SOD2: variants seen among roughly 807,000 people sequenced by gnomAD.
The protein encoded by SOD2 is superoxide dismutase [Mn], mitochondrial.
SOD2 carries 11 observed loss-of-function variants against 27.0 expected under a neutral mutation model. The ratio of observed to expected loss-of-function variants is 0.41; its 90% CI spans 0.26 to 0.67. SOD2 has a LOEUF of 0.67. Ranked by LOEUF, SOD2 falls within the 30% of genes least tolerant of loss-of-function variation. The pLI, the probability that SOD2 is intolerant of heterozygous loss-of-function variation, is 0.34. For synonymous variants in SOD2, 105 were observed against 103.0 expected, an observed-to-expected ratio of 1.02 and a Z score of -0.12; for missense variants, 250 against 274.5, an observed-to-expected ratio of 0.91 and a Z score of 0.63.
At chr6:159,725,262 C>G (rs2758358) in intron 1 of SOD2, among the ~76,000 whole-genome samples, 2 of 151,938 alleles carry the variant, frequency 1.3e-5, no homozygotes, top group African/African-American at 4.8e-5. Context: ...AGGCGGATCA[C>G]CTGAGGTCAG....
At chr6:159,719,230 A>T (rs1777982072) in intron 1 of SOD2, among the ~76,000 whole-genome samples, 1 of 152,126 alleles carries the variant, frequency 6.6e-6, no homozygotes, top group African/African-American at 2.4e-5. Flanking sequence ...ACCACATAAG[A>T]GATAAGAGAA....
intron 1 of SOD2, among the ~76,000 whole-genome samples, chr6:159,701,369 T>TC (rs1777519704): frequency 6.6e-6 from 1 of 152,146 alleles, no homozygotes; most frequent in Non-Finnish European, 1.5e-5. Flanking sequence ...CTTAAAGTGA[T>TC]TATAAGACTT....
chr6:159,761,648 A>G (rs756827880), exon 1 of SOD2: 28 of 447,264 alleles, frequency 6.3e-5, no homozygotes, highest in South Asian at 4.4e-4. Context: ...TGAACGAGAG[A>G]TAAGTCTTTG....
chr6:159,693,179 T>C lies in SOD2; in HGVS notation c.-12A>G. The C allele has an allele frequency of 6.5e-7, 1 of 1,528,388 alleles. No individual in the cohort carries two copies. The highest frequency in any genetic ancestry group is 1.2e-5 in the South Asian group (1 of 81,686). The allele number at this position is 1,528,388 out of a possible 1,614,324, so 94.7% of individuals were successfully genotyped here. ...GCCCGGCTCAACATGCTGCTAGTGC[T>C]GGTGCTACCGCTGATGCCGCCGATC... On this transcript the variant is annotated 5_prime_UTR_variant, in exon 1 of 5. Coordinates refer to ENST00000538183, the MANE Select transcript of SOD2 (RefSeq NM_000636.4).
At chr6:159,744,623 GTATTT>G (rs1349940333) in intron 1 of SOD2, among the ~76,000 whole-genome samples, 2 of 152,144 alleles carry the variant, frequency 1.3e-5, no homozygotes, top group East Asian at 3.8e-4. Flanking sequence ...ACAAAAGCAC[GTATTT>G]ACTCTTCTTT....
At chr6:159,708,469 T>TACTATA (rs1283220489) in intron 1 of SOD2, among the ~76,000 whole-genome samples, 5 of 152,060 alleles carry the variant, frequency 3.3e-5, no homozygotes, top group African/African-American at 1.2e-4. Flanking sequence ...TTCTTATACA[T>TACTATA]CAATAACAGA....
chr6:159,710,945 C>G (rs951307139), intron 1 of SOD2, among the ~76,000 whole-genome samples: 3 of 137,040 alleles, frequency 2.2e-5, no homozygotes, highest in African/African-American at 5.2e-5. Context: ...CCATAACCAC[C>G]ACTCACACTG....
intron 1 of SOD2, chr6:159,726,769 G>T: frequency 5.4e-6 from 7 of 1,288,916 alleles, no homozygotes; most frequent in Non-Finnish European, 7.1e-6. Context: ...AGATGTCAAG[G>T]AGGAACGAAC....
intron 4 of SOD2, 74 bp downstream of exon 4, chr6:159,684,780 T>C: frequency 1.7e-6 from 2 of 1,209,022 alleles, no homozygotes; most frequent in South Asian, 3.3e-5. Context: ...ACACTGTTAG[T>C]TTTCCTTATT....
rs548942299 is a variant in SOD2, at chr6:159,713,495, C to T, written c.-116+13634G>A. ...ATTCTTTCCCTGTGTTTCTTCAATG[C>T]CGTCTCAGCTATCTCCTGCGAAGCC... On this transcript the variant is annotated intron_variant, in intron 1 of 2. Transcript: ENST00000401980. The T allele has an allele frequency of 8.0e-5, 53 of 663,934 alleles. 1 individual carries two copies. In the East Asian group the frequency reaches 1.3e-3, roughly 17 times the overall value. 41.1% of individuals were successfully genotyped at this position (663,934 alleles called of 1,614,324 possible).
At chr6:159,747,863 G>A (rs60955927), upstream of SOD2, among the ~76,000 whole-genome samples, 2,851 of 150,500 alleles carry the variant, frequency 0.019, 102 homozygotes, top group African/African-American at 0.066. Flanking sequence ...GTAATCAAAT[G>A]GCCTCAATTC....
upstream of SOD2, among the ~76,000 whole-genome samples, chr6:159,747,487 G>T (rs1314465375): frequency 2.0e-5 from 3 of 152,118 alleles, no homozygotes; most frequent in African/African-American, 7.2e-5. Context: ...GGAAAAATAT[G>T]AATTATACTT....
At position 159,669,643 on chromosome 6, in the gene SOD2, A is replaced by G. The variant is rs1043671717; in HGVS notation, c.*12850T>C. On this transcript the variant is annotated 3_prime_UTR_variant, in exon 5 of 5. Coordinates refer to ENST00000538183, the MANE Select transcript of SOD2 (RefSeq NM_000636.4). Reference sequence around the variant, plus strand: ...CAACATAGCATAACCCCATCTCTACAAAAAAATTTTCTTAATAAAAAAATA... The same window carrying G: ...CAACATAGCATAACCCCATCTCTACGAAAAAATTTTCTTAATAAAAAAATA... 2 of 152,136 alleles carry G rather than the reference A, an allele frequency of 1.3e-5. No individual in the cohort carries two copies. The highest frequency in any genetic ancestry group is 4.8e-5 in the African/African-American group (2 of 41,450). The allele number at this position is 152,136 out of a possible 1,614,324, so 9.4% of individuals were successfully genotyped here.
chr6:159,744,377 T>C (rs976721454), intron 1 of SOD2, among the ~76,000 whole-genome samples: 1 of 152,222 alleles, frequency 6.6e-6, no homozygotes, highest in African/African-American at 2.4e-5. Flanking sequence ...AGCTGTATCC[T>C]TGTTTCTGAT....
chr6:159,735,283 C>T lies in SOD2; in HGVS notation c.-116+9847G>A, dbSNP rs144156939. Among the ~76,000 whole-genome samples, 178 of 152,188 alleles carry T rather than the reference C, an allele frequency of 1.2e-3. No homozygotes were observed. The East Asian group carries it at 0.027, about 23-fold the overall frequency. On this transcript the variant is annotated intron_variant, in intron 1 of 3. Coordinates refer to the SOD2 transcript ENST00000537657. ...TCTCCCTAGTAGCTGGGATTACAGGCGTGTGCCACTACGCCGGGCTAATTT... is the reference window on the plus strand; with the variant it reads ...TCTCCCTAGTAGCTGGGATTACAGGTGTGTGCCACTACGCCGGGCTAATTT...
chr6:159,759,626 C>T (rs62437349), intron 1 of SOD2, among the ~76,000 whole-genome samples: 68,755 of 150,018 alleles, frequency 0.46, 17,810 homozygotes, highest in Non-Finnish European at 0.58. Flanking sequence ...GCCGAGATAG[C>T]GCCACTGCAC....
At chr6:159,740,970 G>A (rs573550973) in intron 1 of SOD2, among the ~76,000 whole-genome samples, 137 of 152,084 alleles carry the variant, frequency 9.0e-4, no homozygotes, top group Admixed American at 1.4e-3. Flanking sequence ...CCAAAGTGCT[G>A]GGATTACAGG....
At chr6:159,745,451 T>A (rs541954496), upstream of SOD2, among the ~76,000 whole-genome samples, 21 of 151,760 alleles carry the variant, frequency 1.4e-4, no homozygotes, top group African/African-American at 2.4e-4. Flanking sequence ...TTTTTTTTTT[T>A]AAAACAGCTG....
At chr6:159,713,710 C>T (rs1466140712) in intron 1 of SOD2, 6 of 906,740 alleles carry the variant, frequency 6.6e-6, no homozygotes, top group Non-Finnish European at 1.1e-5. Context: ...TGCTTCGATA[C>T]CCAATCCATT....
Sources: allele counts gnomAD v4.1 joint callset (sites outside exome capture counted in the v4.1 genomes callset), GRCh38; gene constraint gnomAD v4.1.1; transcripts MANE v1.5; gene names NCBI Gene and HGNC (gene_info 2026-07-23, HGNC 2026-07-21).